Variants in PLOD2 observed in about 807,000 individuals in gnomAD.
PLOD2 encodes the protein lysine hydroxylase 2.
Under a neutral mutation model 101.0 loss-of-function variants are expected in PLOD2, and 65 were observed. That is an observed-to-expected ratio of 0.64 (90% CI 0.53 to 0.79). PLOD2 has a LOEUF of 0.79. Ranked by LOEUF, PLOD2 falls within the 30% of genes least tolerant of loss-of-function variation. PLOD2 has a pLI of 0.00. For missense variants in PLOD2, 909 were observed against 914.6 expected (o/e 0.99, Z 0.08); for synonymous variants, 314 against 302.9 (o/e 1.04, Z -0.38).
At chr3:146,075,505 AAAG>A (rs1553728758) in intron 15 of PLOD2, among the ~76,000 whole-genome samples, 2 of 150,426 alleles carry the variant, frequency 1.3e-5, no homozygotes, top group Admixed American at 6.7e-5. Context: ...AAAAAAAAAA[AAAG>A]AAGAAGAAAA....
chr3:146,121,214 T>C lies in PLOD2; in HGVS notation c.236A>G (p.Asp79Gly). The stretch of plus-strand genomic sequence containing the variant: ...GCCCCCTCCAATACTATTAATTCCA[T>C]CACCACCTCTCCATTCTTCTCCTTG... ...LGQGEEWRGGDGINSIGGGQK... is the reference protein window; with the variant it reads ...LGQGEEWRGGGGINSIGGGQK... The change falls in exon 3 of 20, where the codon GAT (aspartate) becomes GGT (glycine). Residue 79 changes from aspartate (D) to glycine (G), a missense_variant. By Grantham distance (94) the Asp-to-Gly change is moderately conservative. Transcript: ENST00000282903. 1.9e-6 allele frequency: 3 copies of C among 1,611,012 alleles called. No individual in the cohort carries two copies. Among genetic ancestry groups the C allele is most frequent in the Non-Finnish European group, 2.5e-6 (3 of 1,177,358 alleles).
At chr3:146,135,519 C>T (rs1293259048) in intron 1 of PLOD2, among the ~76,000 whole-genome samples, 4 of 151,964 alleles carry the variant, frequency 2.6e-5, no homozygotes, top group African/African-American at 7.3e-5. Context: ...TAGCATTCAC[C>T]GTGCCAAGTT....
chr3:146,111,943 C>T (rs938288747), intron 3 of PLOD2, among the ~76,000 whole-genome samples: 7 of 151,964 alleles, frequency 4.6e-5, no homozygotes, highest in African/African-American at 1.5e-4. Flanking sequence ...TCTGAAAGAG[C>T]GACTACCATG....
chr3:146,139,207 C>A (rs1041822684), intron 1 of PLOD2, among the ~76,000 whole-genome samples: 1 of 152,080 alleles, frequency 6.6e-6, no homozygotes, highest in Non-Finnish European at 1.5e-5. Context: ...ACAGATTAAA[C>A]AGGGTTTGTG....
chr3:146,092,342 G>A (rs562063984), intron 7 of PLOD2, among the ~76,000 whole-genome samples: 1 of 152,132 alleles, frequency 6.6e-6, no homozygotes, highest in East Asian at 1.9e-4. Flanking sequence ...CAGTAGTAAT[G>A]TGACCTCTAA....
At chr3:146,130,367 T>C (rs933219316) in intron 1 of PLOD2, among the ~76,000 whole-genome samples, 3 of 152,136 alleles carry the variant, frequency 2.0e-5, no homozygotes, top group Non-Finnish European at 4.4e-5. Flanking sequence ...TCACCACAAA[T>C]TGTAATTACA....
chr3:146,072,768 A>G (rs1936195773), intron 16 of PLOD2, 103 bp from the exon 17 acceptor site: 2 of 739,832 alleles, frequency 2.7e-6, no homozygotes, highest in Admixed American at 4.5e-5. Context: ...CTGTATGACT[A>G]GGAAACATAG....
chr3:146,125,303 T>A (rs547709349), intron 1 of PLOD2, among the ~76,000 whole-genome samples: 11 of 152,230 alleles, frequency 7.2e-5, no homozygotes, highest in African/African-American at 2.6e-4. Context: ...AACCAATGTA[T>A]CTATCTGTCA....
At chr3:146,148,898 T>C (rs576040666) in intron 1 of PLOD2, among the ~76,000 whole-genome samples, 5 of 152,308 alleles carry the variant, frequency 3.3e-5, no homozygotes, top group South Asian at 2.1e-4. Flanking sequence ...CTGAAAGTCA[T>C]AGCATGCAAA....
chr3:146,158,664 C>CTTT (rs138390848), intron 1 of PLOD2, among the ~76,000 whole-genome samples: 85 of 145,118 alleles, frequency 5.9e-4, no homozygotes, highest in Admixed American at 1.1e-3. Flanking sequence ...GACATTAGGC[C>CTTT]TTTTTTGTTT....
intron 3 of PLOD2, among the ~76,000 whole-genome samples, chr3:146,115,897 T>A (rs769374250): frequency 6.6e-6 from 1 of 152,130 alleles, no homozygotes; most frequent in Non-Finnish European, 1.5e-5. Context: ...CACAGCTGCA[T>A]TTCAATAAAA....
chr3:146,103,367 C>T (rs1377030633), intron 6 of PLOD2, among the ~76,000 whole-genome samples: 2 of 152,036 alleles, frequency 1.3e-5, no homozygotes, highest in African/African-American at 2.4e-5. Context: ...AGACTTAGCA[C>T]ATTAAGCAAG....
chr3:146,153,823 A>G (rs2032176136), intron 1 of PLOD2, among the ~76,000 whole-genome samples: 1 of 129,376 alleles, frequency 7.7e-6, no homozygotes, highest in Non-Finnish European at 1.7e-5. Flanking sequence ...TTACCTGTCC[A>G]CAGCACAAAA....
chr3:146,130,800 A>G (rs987881174), intron 1 of PLOD2, among the ~76,000 whole-genome samples: 4 of 152,194 alleles, frequency 2.6e-5, no homozygotes, highest in African/African-American at 9.7e-5. Context: ...GGCTGAAGCA[A>G]TCATTGAGTT....
At chr3:146,133,110 A>G (rs1487977236) in intron 1 of PLOD2, among the ~76,000 whole-genome samples, 2 of 152,154 alleles carry the variant, frequency 1.3e-5, no homozygotes, top group African/African-American at 2.4e-5. Context: ...CAGGAGGCGG[A>G]GCTTGCAGTG....
At chr3:146,122,572 G>T (rs1038936130) in intron 2 of PLOD2, among the ~76,000 whole-genome samples, 1 of 152,126 alleles carries the variant, frequency 6.6e-6, no homozygotes, top group Admixed American at 6.6e-5. Context: ...CTGAGGGGGA[G>T]CCTGATTATT....
At chr3:146,078,319 T>A (rs576335631) in intron 13 of PLOD2, among the ~76,000 whole-genome samples, 1 of 151,864 alleles carries the variant, frequency 6.6e-6, no homozygotes, top group African/African-American at 2.4e-5. Flanking sequence ...GCACACAGGT[T>A]TGTAGAGAAA....
In PLOD2 at chr3:146,106,570, G is replaced by T; in HGVS notation, c.577C>A (p.Leu193Ile). 1 of 1,589,130 alleles carries T rather than the reference G, an allele frequency of 6.3e-7. No individual in the cohort carries two copies. The highest frequency in any genetic ancestry group is 8.6e-7 in the Non-Finnish European group (1 of 1,157,392). ...TCAATGTAAACTTTAGTGTAAAAGA[G>T]CTGATCATCATCATTATCCTGGAGA... ...WNLQDNDDDQ[L>I]FYTKVYIDPL... Residue 193 changes from leucine to isoleucine, a missense_variant, in exon 5 of 20, where the codon CTC (leucine) becomes ATC (isoleucine). Physicochemically the swap from Leu to Ile is conservative, Grantham distance 5. Transcript: ENST00000282903.
At chr3:146,159,668 T>C (rs746972762) in intron 1 of PLOD2, among the ~76,000 whole-genome samples, 3 of 152,222 alleles carry the variant, frequency 2.0e-5, no homozygotes, top group Non-Finnish European at 4.4e-5. Flanking sequence ...ATGCAAAAGT[T>C]TAGTTCAAAT....
Sources: gnomAD v4.1 joint callset for allele counts (sites outside exome capture counted in the v4.1 genomes callset) on GRCh38, gnomAD v4.1.1 for gene constraint, MANE v1.5 for transcripts, NCBI Gene and HGNC (gene_info 2026-07-23, HGNC 2026-07-21) for gene names.